The following CTNNA3 variants were observed in gnomAD, a reference collection of about 807,000 sequenced individuals.
CTNNA3 encodes catenin alpha 3.
CTNNA3 carries 76 observed loss-of-function variants against 95.7 expected under a neutral mutation model. The ratio of observed to expected loss-of-function variants is 0.79; its 90% CI spans 0.66 to 0.96. CTNNA3 has a LOEUF of 0.96. Among genes scored for constraint, CTNNA3 ranks in the 40% least tolerant of loss-of-function variants. The pLI is 0.00. For missense variants in CTNNA3, 1,191 were observed against 1,089.8 expected (o/e 1.09, Z -1.31); for synonymous variants, 431 against 374.4 (o/e 1.15, Z -1.74).
chr10:67,301,735 A>G (rs760654958), intron 5 of CTNNA3, among the ~76,000 whole-genome samples: 4 of 152,052 alleles, frequency 2.6e-5, no homozygotes, highest in Non-Finnish European at 5.9e-5. Flanking sequence ...TTGGGAGGCC[A>G]AGGCGGGTGG....
chr10:66,879,137 C>T (rs1431862616), intron 7 of CTNNA3, among the ~76,000 whole-genome samples: 3 of 152,096 alleles, frequency 2.0e-5, no homozygotes, highest in African/African-American at 4.8e-5. Context: ...AGGATTTGAA[C>T]CCACAACTGT....
intron 11 of CTNNA3, among the ~76,000 whole-genome samples, chr10:66,515,685 A>C (rs1337276343): frequency 6.6e-6 from 1 of 152,112 alleles, no homozygotes; most frequent in Admixed American, 6.5e-5. Flanking sequence ...TGGAAGGGGA[A>C]GCAAACACAT....
chr10:67,197,221 G>C (rs1196987880), intron 6 of CTNNA3, among the ~76,000 whole-genome samples: 1 of 151,984 alleles, frequency 6.6e-6, no homozygotes, highest in Non-Finnish European at 1.5e-5. Flanking sequence ...TGTCATTTCC[G>C]AGGTTTATGT....
intron 11 of CTNNA3, among the ~76,000 whole-genome samples, chr10:66,473,174 C>T (rs184521280): frequency 4.0e-4 from 61 of 151,946 alleles, no homozygotes; most frequent in African/African-American, 1.2e-3. Context: ...ATTTTATATG[C>T]TTAGGCTTTG....
intron 6 of CTNNA3, among the ~76,000 whole-genome samples, chr10:67,208,239 G>A (rs1040224474): frequency 1.3e-5 from 2 of 151,888 alleles, no homozygotes; most frequent in African/African-American, 4.8e-5. Flanking sequence ...AATTAGCTGG[G>A]CCTGGTGGCA....
At chr10:67,004,264 C>T (rs1839504323) in intron 7 of CTNNA3, among the ~76,000 whole-genome samples, 1 of 152,118 alleles carries the variant, frequency 6.6e-6, no homozygotes, top group African/African-American at 2.4e-5. Context: ...AAAAGTCTGA[C>T]TCTTTATAAA....
At chr10:67,029,184 T>TA (rs1443511354) in intron 7 of CTNNA3, among the ~76,000 whole-genome samples, 23 of 152,186 alleles carry the variant, frequency 1.5e-4, no homozygotes, top group African/African-American at 5.5e-4. Flanking sequence ...CATTACTCCA[T>TA]AAGCTAAATA....
At chr10:65,999,713 G>C (rs1452346940) in intron 15 of CTNNA3, among the ~76,000 whole-genome samples, 1 of 152,142 alleles carries the variant, frequency 6.6e-6, no homozygotes, top group Non-Finnish European at 1.5e-5. Context: ...ACTATGTAAT[G>C]AAGGCTTTTT....
intron 5 of CTNNA3, among the ~76,000 whole-genome samples, chr10:67,428,208 A>G (rs10509287): frequency 0.083 from 12,607 of 152,190 alleles, 619 homozygotes; most frequent in South Asian, 0.16. Context: ...TTCAGAAATA[A>G]CAATTGGCAT....
intron 7 of CTNNA3, among the ~76,000 whole-genome samples, chr10:66,864,216 A>C (rs976751552): frequency 5.9e-5 from 9 of 152,168 alleles, no homozygotes; most frequent in African/African-American, 2.2e-4. Flanking sequence ...GGTGGGGCCT[A>C]ATAAAATGGG....
chr10:66,174,112 A>G (rs1161997815), intron 13 of CTNNA3, among the ~76,000 whole-genome samples: 3 of 152,176 alleles, frequency 2.0e-5, no homozygotes, highest in African/African-American at 7.2e-5. Context: ...TGTTTAGGTA[A>G]AGAAACTGAG....
At chr10:67,644,013 T>C (rs192208066) in intron 2 of CTNNA3, among the ~76,000 whole-genome samples, 1 of 152,186 alleles carries the variant, frequency 6.6e-6, no homozygotes, top group South Asian at 2.1e-4. Flanking sequence ...TGTGTATTTA[T>C]AGTAGAATGA....
chr10:66,205,683 AT>A (rs1191743170), intron 13 of CTNNA3, among the ~76,000 whole-genome samples: 2 of 151,988 alleles, frequency 1.3e-5, no homozygotes, highest in African/African-American at 4.8e-5. Flanking sequence ...AAACTTTAAA[AT>A]TTGGTAAATG....
At chr10:67,211,835 G>C (rs1378598881) in intron 6 of CTNNA3, among the ~76,000 whole-genome samples, 2 of 152,026 alleles carry the variant, frequency 1.3e-5, no homozygotes, top group Non-Finnish European at 2.9e-5. Flanking sequence ...ATTTGACTTT[G>C]TACAAGTTAC....
At chr10:67,170,194 T>C (rs1160803724) in intron 7 of CTNNA3, among the ~76,000 whole-genome samples, 2 of 152,210 alleles carry the variant, frequency 1.3e-5, no homozygotes, top group African/African-American at 4.8e-5. Context: ...AATTCAGCCA[T>C]TGTGGAAAGC....
chr10:66,282,711 C>T (rs2091515667), intron 12 of CTNNA3, among the ~76,000 whole-genome samples: 1 of 151,780 alleles, frequency 6.6e-6, no homozygotes, highest in African/African-American at 2.4e-5. Context: ...ATGGCACCTG[C>T]TCTTAGCATT....
chr10:67,232,815 G>A (rs56346349), intron 5 of CTNNA3, among the ~76,000 whole-genome samples: 17,372 of 151,492 alleles, frequency 0.11, 1,040 homozygotes, highest in African/African-American at 0.14. Flanking sequence ...GATGGAGGAA[G>A]ATCTACCAAG....
intron 9 of CTNNA3, among the ~76,000 whole-genome samples, chr10:66,748,743 A>T (rs1838991820): frequency 6.6e-6 from 1 of 152,146 alleles, no homozygotes. Context: ...GAAAGTACAG[A>T]GAGTTCCCAT....
intron 11 of CTNNA3, among the ~76,000 whole-genome samples, chr10:66,454,657 G>C (rs528827268): frequency 3.3e-5 from 5 of 151,946 alleles, no homozygotes; most frequent in Non-Finnish European, 1.5e-5. Flanking sequence ...CAAACATTTA[G>C]AAGTAATGCC....
Sources: gnomAD v4.1 joint callset for allele counts (sites outside exome capture counted in the v4.1 genomes callset) on GRCh38, gnomAD v4.1.1 for gene constraint, MANE v1.5 for transcripts, NCBI Gene and HGNC (gene_info 2026-07-23, HGNC 2026-07-21) for gene names.